Variants in PTPRG observed in about 807,000 individuals in gnomAD.
PTPRG encodes the protein receptor-type tyrosine-protein phosphatase gamma.
A neutral mutation model predicts 165.3 loss-of-function variants in PTPRG; 102 were observed. The ratio of observed to expected loss-of-function variants is 0.62; its 90% CI spans 0.53 to 0.73. PTPRG has a LOEUF of 0.73. Ranked by LOEUF, PTPRG falls within the 30% of genes least tolerant of loss-of-function variation. PTPRG has a pLI of 0.00. For missense variants in PTPRG, 1,866 were observed against 1,861.4 expected, an observed-to-expected ratio of 1.00 and a Z score of -0.05; for synonymous variants, 675 against 669.5, an observed-to-expected ratio of 1.01 and a Z score of -0.13.
chr3:61,669,459 G>A (rs1702905597), intron 1 of PTPRG, among the ~76,000 whole-genome samples: 1 of 152,166 alleles, frequency 6.6e-6, no homozygotes. Flanking sequence ...AACAGTGTCT[G>A]CAGGGGCATC....
At chr3:62,073,642 T>C (rs1559781294) in intron 4 of PTPRG, among the ~76,000 whole-genome samples, 1 of 152,084 alleles carries the variant, frequency 6.6e-6, no homozygotes, top group Non-Finnish European at 1.5e-5. Context: ...CCACCGCACC[T>C]GGCTAATTTT....
intron 2 of PTPRG, among the ~76,000 whole-genome samples, chr3:61,757,237 G>A (rs1397566384): frequency 6.6e-6 from 1 of 152,126 alleles, no homozygotes; most frequent in East Asian, 1.9e-4. Context: ...ATTGAGAAAT[G>A]AGGGATACTA....
intron 2 of PTPRG, among the ~76,000 whole-genome samples, chr3:61,799,408 G>A (rs773690061): frequency 3.9e-5 from 6 of 152,112 alleles, no homozygotes; most frequent in Non-Finnish European, 8.8e-5. Context: ...TGTCTTTTCT[G>A]TTCCAAGATC....
chr3:62,074,211 G>GTA (rs1553713375), intron 4 of PTPRG, among the ~76,000 whole-genome samples: 2 of 150,806 alleles, frequency 1.3e-5, no homozygotes, highest in Non-Finnish European at 2.9e-5. Flanking sequence ...GTGTGTGTGT[G>GTA]TATACAGAGA....
chr3:61,906,473 A>C (rs928471294), intron 2 of PTPRG, among the ~76,000 whole-genome samples: 1 of 151,972 alleles, frequency 6.6e-6, no homozygotes, highest in African/African-American at 2.4e-5. Context: ...AAGGAAAAAA[A>C]AACATATATA....
intron 9 of PTPRG, among the ~76,000 whole-genome samples, chr3:62,194,493 A>C (rs1377254505): frequency 6.6e-6 from 1 of 152,202 alleles, no homozygotes. Context: ...ACTCTGCGTA[A>C]TAAAAATACA....
At chr3:62,265,317 T>C (rs1257673574) in intron 17 of PTPRG, among the ~76,000 whole-genome samples, 1 of 152,220 alleles carries the variant, frequency 6.6e-6, no homozygotes. Context: ...AACAATTGTT[T>C]CTGAATTGTA....
intron 2 of PTPRG, among the ~76,000 whole-genome samples, chr3:61,825,101 G>C (rs1037011001): frequency 6.6e-6 from 1 of 152,150 alleles, no homozygotes; most frequent in Non-Finnish European, 1.5e-5. Flanking sequence ...GGGGTGATTT[G>C]TGAAAAGGGT....
At chr3:61,777,164 A>G (rs1298272984) in intron 2 of PTPRG, among the ~76,000 whole-genome samples, 1 of 152,128 alleles carries the variant, frequency 6.6e-6, no homozygotes, top group Admixed American at 6.6e-5. Flanking sequence ...CGGTAGCTTT[A>G]TTTTTTAAAG....
At chr3:62,003,527 G>A (rs1430464901) in intron 4 of PTPRG, 30 bp downstream of exon 4, 1 of 1,611,230 alleles carries the variant, frequency 6.2e-7, no homozygotes, top group Admixed American at 1.7e-5. Context: ...TCAACGTGTA[G>A]CTGTGCTTCG....
chr3:61,656,431 C>T (rs977070315), intron 1 of PTPRG, among the ~76,000 whole-genome samples: 10 of 152,082 alleles, frequency 6.6e-5, no homozygotes, highest in Admixed American at 4.6e-4. Context: ...ATAAAATAAG[C>T]CCTAACCAGG....
chr3:62,062,779 C>T (rs1700863779), intron 4 of PTPRG, among the ~76,000 whole-genome samples: 1 of 152,102 alleles, frequency 6.6e-6, no homozygotes, highest in East Asian at 1.9e-4. Flanking sequence ...TGCTCTACTT[C>T]AGCCTCCCAA....
intron 15 of PTPRG, among the ~76,000 whole-genome samples, chr3:62,247,906 A>T (rs1050921658): frequency 5.9e-5 from 9 of 152,200 alleles, no homozygotes; most frequent in Admixed American, 3.9e-4. Flanking sequence ...AGCAGTTTAT[A>T]GGAGTTTTTG....
intron 4 of PTPRG, among the ~76,000 whole-genome samples, chr3:62,019,039 G>A (rs2041619218): frequency 6.6e-6 from 1 of 152,210 alleles, no homozygotes; most frequent in Admixed American, 6.5e-5. Flanking sequence ...ACCTGCAGAA[G>A]CTGACCTTAC....
chr3:62,293,019 T>G (rs968094224), intron 29 of PTPRG, 142 bp from the exon 30 acceptor site: 1 of 664,088 alleles, frequency 1.5e-6, no homozygotes, highest in South Asian at 3.0e-5. Flanking sequence ...ATGATTTTTT[T>G]TTTAGTTTTT....
intron 2 of PTPRG, among the ~76,000 whole-genome samples, chr3:61,860,599 C>A (rs1279776434): frequency 6.6e-6 from 1 of 151,876 alleles, no homozygotes; most frequent in Non-Finnish European, 1.5e-5. Context: ...CACCAGCACT[C>A]ACCGGCTAAT....
At chr3:61,840,026 G>T (rs72880491) in intron 2 of PTPRG, among the ~76,000 whole-genome samples, 242 of 152,234 alleles carry the variant, frequency 1.6e-3, no homozygotes, top group African/African-American at 5.6e-3. Context: ...GGAATTTAGA[G>T]AATATAGCAC....
intron 3 of PTPRG, among the ~76,000 whole-genome samples, chr3:62,002,928 A>T (rs1340701466): frequency 6.6e-6 from 1 of 152,300 alleles, no homozygotes; most frequent in South Asian, 2.1e-4. Flanking sequence ...CTGATCATAT[A>T]TATTTCCTCT....
At chr3:61,630,289 C>T (rs944966131) in intron 1 of PTPRG, among the ~76,000 whole-genome samples, 1 of 152,152 alleles carries the variant, frequency 6.6e-6, no homozygotes, top group South Asian at 2.1e-4. Context: ...TCATGAAATT[C>T]CTTCTCAAGG....
Sources: allele counts gnomAD v4.1 joint callset (sites outside exome capture counted in the v4.1 genomes callset), GRCh38; gene constraint gnomAD v4.1.1; transcripts MANE v1.5; gene names NCBI Gene and HGNC (gene_info 2026-07-23, HGNC 2026-07-21).